FGD5: variants seen among roughly 807,000 people sequenced by gnomAD.
The protein encoded by FGD5 is FYVE, RhoGEF and PH domain containing 5.
A neutral mutation model predicts 133.4 loss-of-function variants in FGD5; 28 were observed. The ratio of observed to expected loss-of-function variants is 0.21; its 90% CI spans 0.16 to 0.29. The LOEUF (loss-of-function observed/expected upper bound fraction) is 0.29, where lower values mean the gene tolerates loss of function less well. FGD5 is among the 10% of genes least tolerant of loss of function. The probability of loss-of-function intolerance (pLI) is 1.00; values close to 1 mark genes in which losing one functional copy is unlikely to be tolerated. For synonymous variants in FGD5, 810 were observed against 776.5 expected, an observed-to-expected ratio of 1.04 and a Z score of -0.72; for missense variants, 1,858 against 1,895.2, an observed-to-expected ratio of 0.98 and a Z score of 0.36.
intron 1 of FGD5, among the ~76,000 whole-genome samples, chr3:14,824,499 A>T (rs1376944260): frequency 6.6e-6 from 1 of 152,162 alleles, no homozygotes; most frequent in Non-Finnish European, 1.5e-5. Context: ...GCCAAAATAA[A>T]TACCCATAGC....
chr3:14,907,762 G>A (rs1026077155), intron 10 of FGD5, 51 bp downstream of exon 10: 2 of 1,568,510 alleles, frequency 1.3e-6, no homozygotes, highest in South Asian at 1.1e-5. Flanking sequence ...GCGAGGCTCC[G>A]ATAAGCCCCA....
chr3:14,911,191 C>T (rs1448379872), intron 11 of FGD5, among the ~76,000 whole-genome samples: 1 of 152,162 alleles, frequency 6.6e-6, no homozygotes, highest in Non-Finnish European at 1.5e-5. Flanking sequence ...TGTCAACCAC[C>T]TTATCTAATG....
At chr3:14,928,831 A>G (rs1301420324) in intron 18 of FGD5, among the ~76,000 whole-genome samples, 1 of 152,236 alleles carries the variant, frequency 6.6e-6, no homozygotes, top group Non-Finnish European at 1.5e-5. Flanking sequence ...TCTTTTATCA[A>G]GTACCTATCT....
intron 1 of FGD5, among the ~76,000 whole-genome samples, chr3:14,841,249 A>G (rs2036915639): frequency 1.3e-5 from 2 of 152,236 alleles, no homozygotes; most frequent in South Asian, 2.1e-4. Context: ...GATGGGAACT[A>G]TGCTGTCACC....
At chr3:14,839,342 G>A (rs2036873272) in intron 1 of FGD5, among the ~76,000 whole-genome samples, 1 of 152,204 alleles carries the variant, frequency 6.6e-6, no homozygotes, top group Non-Finnish European at 1.5e-5. Context: ...CACAGCCAGT[G>A]TACAAATAGT....
intron 2 of FGD5, among the ~76,000 whole-genome samples, chr3:14,865,283 A>G (rs1473269161): frequency 6.6e-6 from 1 of 152,130 alleles, no homozygotes; most frequent in Non-Finnish European, 1.5e-5. Flanking sequence ...TAGTTTTGCT[A>G]CATTGATTAA....
At chr3:14,865,805 C>T (rs79596990) in intron 2 of FGD5, among the ~76,000 whole-genome samples, 14,187 of 152,226 alleles carry the variant, frequency 0.093, 832 homozygotes, top group East Asian at 0.3. Context: ...TCCAGTGTTG[C>T]CTATCACTGC....
intron 4 of FGD5, among the ~76,000 whole-genome samples, chr3:14,886,141 A>C (rs572438670): frequency 2.9e-4 from 44 of 152,352 alleles, no homozygotes; most frequent in Middle Eastern, 3.4e-3. Context: ...AAGGTTTCTC[A>C]TGAACACAGG....
At chr3:14,876,032 A>T (rs1368569860) in intron 2 of FGD5, among the ~76,000 whole-genome samples, 2 of 152,170 alleles carry the variant, frequency 1.3e-5, no homozygotes, top group African/African-American at 4.8e-5. Context: ...AAGGCCGAGC[A>T]GGTGTGGACC....
intron 9 of FGD5, among the ~76,000 whole-genome samples, chr3:14,906,632 G>A (rs4685233): frequency 0.74 from 112,319 of 152,206 alleles, 41,613 homozygotes; most frequent in African/African-American, 0.77. Context: ...ATTCCCTCGC[G>A]TCTGCAGCTC....
intron 1 of FGD5, among the ~76,000 whole-genome samples, chr3:14,839,201 C>T (rs2036870690): frequency 6.6e-6 from 1 of 152,198 alleles, no homozygotes; most frequent in African/African-American, 2.4e-5. Context: ...TCATTTCTGA[C>T]CTGGGAGGAA....
chr3:14,922,998 C>G lies in FGD5; in HGVS notation c.3808-48C>G. 1.2e-6 allele frequency: 2 copies of G among 1,612,796 alleles called. No individual in the cohort carries two copies. The highest frequency in any genetic ancestry group is 1.7e-6 in the Non-Finnish European group (2 of 1,179,218). Reference sequence around the variant, plus strand: ...AGCGGAGGGGAGGGGTGCAGGTCTCCTTTGCATGCACTGAGAGGGGTGAGA... The same window carrying G: ...AGCGGAGGGGAGGGGTGCAGGTCTCGTTTGCATGCACTGAGAGGGGTGAGA... On this transcript the variant is annotated intron_variant, in intron 15 of 19. Transcript: ENST00000285046. This position sits in a 1 kb window ranked among gnomAD's most constrained non-coding sequence, Gnocchi z 4.1.
At chr3:14,878,166 AG>A in intron 2 of FGD5, among the ~76,000 whole-genome samples, 3 of 152,206 alleles carry the variant, frequency 2.0e-5, no homozygotes, top group Non-Finnish European at 4.4e-5. Flanking sequence ...GCCCTGAGTC[AG>A]GAAGGCATCC....
intron 1 of FGD5, among the ~76,000 whole-genome samples, chr3:14,858,085 G>T (rs2037320534): frequency 6.6e-6 from 1 of 152,154 alleles, no homozygotes; most frequent in South Asian, 2.1e-4. Context: ...CAAAGTGCTG[G>T]TGAAGAGGAT....
chr3:14,821,006 G>A lies in FGD5; in HGVS notation c.1935G>A (p.Lys645=). 6.2e-7 allele frequency: 1 copy of A among 1,613,946 alleles called. No individual in the cohort carries two copies. The highest frequency in any genetic ancestry group is 8.5e-7 in the Non-Finnish European group (1 of 1,179,892). The change falls in exon 1 of 20, where the codon AAG becomes AAA. Residue 645 remains lysine (K), a synonymous_variant. Coordinates refer to ENST00000285046, the MANE Select transcript of FGD5 (RefSeq NM_152536.4). ...SLLIESDSPD[K]YKKKKSSFKR... is the part of the protein sequence containing the mutation. ...TGATCGAGAGCGACTCCCCGGACAAGTACAAGAAGAAGAAGTCATCCTTTA... is the reference window on the plus strand; with the variant it reads ...TGATCGAGAGCGACTCCCCGGACAAATACAAGAAGAAGAAGTCATCCTTTA...
At chr3:14,827,435 C>T (rs867471170) in intron 1 of FGD5, among the ~76,000 whole-genome samples, 34 of 151,906 alleles carry the variant, frequency 2.2e-4, no homozygotes, top group African/African-American at 7.7e-4. Flanking sequence ...GCGCCCGCCA[C>T]CATGGGTGGC....
rs1470268126 is a variant in FGD5 at position 14,898,790 on chromosome 3, G to A, written c.3118G>A (p.Val1040Ile). Reference sequence around the variant, plus strand: ...TGCGAAGCATCGGCTGCTGCGGGTGGTTCAACGCCTCTTCCAGTACCAAGT... The same window carrying A: ...TGCGAAGCATCGGCTGCTGCGGGTGATTCAACGCCTCTTCCAGTACCAAGT... ...QTAKHRLLRV[V>I]QRLFQYQVLL... Residue 1040 changes from valine to isoleucine, a missense_variant, in exon 7 of 20, where the codon GTT (valine) becomes ATT (isoleucine). Coordinates refer to ENST00000285046, the MANE Select transcript of FGD5 (RefSeq NM_152536.4). 2 of 1,583,618 alleles carry A rather than the reference G, an allele frequency of 1.3e-6. No individual in the cohort carries two copies. Among genetic ancestry groups the A allele is most frequent in the East Asian group, 2.3e-5 (1 of 42,976 alleles).
Position 14,821,019 on chromosome 3 carries a change from A to G in FGD5, c.1948A>G (p.Lys650Glu). 1 of 1,613,912 alleles carries G rather than the reference A, an allele frequency of 6.2e-7. No homozygotes were observed. The highest frequency in any genetic ancestry group is 8.5e-7 in the Non-Finnish European group (1 of 1,179,882). Reference sequence around the variant, plus strand: ...CTCCCCGGACAAGTACAAGAAGAAGAAGTCATCCTTTAAGCGCTTCCTGGC... The same window carrying G: ...CTCCCCGGACAAGTACAAGAAGAAGGAGTCATCCTTTAAGCGCTTCCTGGC... ...SDSPDKYKKKKSSFKRFLALT... is the reference protein window; with the variant it reads ...SDSPDKYKKKESSFKRFLALT... The change falls in exon 1 of 20, where the codon AAG becomes GAG. Residue 650 changes from lysine to glutamate, a missense_variant. By Grantham distance (56) the Lys-to-Glu change is moderately conservative (BLOSUM62 1). This residue lies in a region of FGD5 where 1,824 missense variants were observed against 1,848.9 expected (regional missense o/e 0.99). Coordinates refer to ENST00000285046, the MANE Select transcript of FGD5 (RefSeq NM_152536.4).
chr3:14,913,815 C>G (rs574998003), intron 11 of FGD5, among the ~76,000 whole-genome samples: 1 of 152,304 alleles, frequency 6.6e-6, no homozygotes. Context: ...ACCTGAAGCT[C>G]TTTGAGAAGG....
Sources: gnomAD v4.1 joint callset for allele counts (sites outside exome capture counted in the v4.1 genomes callset) on GRCh38, gnomAD v4.1.1 for gene constraint, gnomAD v4.1.1 regional missense constraint, Gnocchi (gnomAD v3.1) non-coding constraint, MANE v1.5 for transcripts, NCBI Gene and HGNC (gene_info 2026-07-23, HGNC 2026-07-21) for gene names.